Variants in TP63 observed in about 807,000 individuals in gnomAD.
TP63 encodes the protein tumor protein p63, also known as tumor protein 63.
A neutral mutation model predicts 82.8 loss-of-function variants in TP63; 17 were observed. The ratio of observed to expected loss-of-function variants is 0.21; its 90% confidence interval spans 0.14 to 0.31. The LOEUF (loss-of-function observed/expected upper bound fraction) is 0.31, where lower values mean the gene tolerates loss of function less well. TP63 is among the 10% of genes least tolerant of loss of function. The pLI, the probability that TP63 is intolerant of heterozygous loss-of-function variation, is 1.00. For missense variants in TP63, 648 were observed against 895.3 expected (o/e 0.72, Z 3.52); for synonymous variants, 330 against 321.7 (o/e 1.03, Z -0.28).
At chr3:189,783,733 T>A (rs1206681613) in intron 3 of TP63, among the ~76,000 whole-genome samples, 1 of 151,880 alleles carries the variant, frequency 6.6e-6, no homozygotes. Flanking sequence ...GAAACACATG[T>A]AATATCACTA....
chr3:189,726,336 A>AATATTCATT (rs1275326951), intron 1 of TP63, among the ~76,000 whole-genome samples: 4 of 152,168 alleles, frequency 2.6e-5, no homozygotes, highest in African/African-American at 2.4e-5. Context: ...TATTGACAAT[A>AATATTCATT]ATATTCATTC....
chr3:189,893,329 T>C (rs1333800727), intron 13 of TP63, among the ~76,000 whole-genome samples: 1 of 152,196 alleles, frequency 6.6e-6, no homozygotes, highest in African/African-American at 2.4e-5. Context: ...TGAAGTTCTA[T>C]AGCCAGTCAG....
chr3:189,618,400 T>C, the TP63 span, among the ~76,000 whole-genome samples: 2 of 152,238 alleles, frequency 1.3e-5, no homozygotes, highest in Non-Finnish European at 2.9e-5. Flanking sequence ...AGCAGCACTC[T>C]TGTTGGCTGC....
intron 3 of TP63, among the ~76,000 whole-genome samples, chr3:189,786,972 T>C (rs1003812750): frequency 3.3e-5 from 5 of 152,088 alleles, no homozygotes. Context: ...CTTAAATCAA[T>C]GCATGATATT....
chr3:189,618,083 T>A, the TP63 span, among the ~76,000 whole-genome samples: 3 of 152,164 alleles, frequency 2.0e-5, no homozygotes, highest in East Asian at 5.8e-4. Flanking sequence ...GGATCCTTTG[T>A]TTAAAGAATT....
At chr3:189,853,119 C>T (rs1715859977) in intron 4 of TP63, among the ~76,000 whole-genome samples, 1 of 152,236 alleles carries the variant, frequency 6.6e-6, no homozygotes, top group African/African-American at 2.4e-5. Context: ...CTCATCACCT[C>T]TACTGCTGGT....
At chr3:189,700,656 T>A (rs77857433) in intron 1 of TP63, among the ~76,000 whole-genome samples, 7,935 of 152,230 alleles carry the variant, frequency 0.052, 244 homozygotes, top group African/African-American at 0.068. Flanking sequence ...TAACATATCC[T>A]TATGTCCCTT....
intron 3 of TP63, among the ~76,000 whole-genome samples, chr3:189,749,638 A>G (rs1260396540): frequency 6.6e-6 from 1 of 152,216 alleles, no homozygotes; most frequent in East Asian, 1.9e-4. Context: ...AGATTCCTCA[A>G]AAAACTAAAA....
At chr3:189,827,258 A>G (rs1711557743) in intron 4 of TP63, among the ~76,000 whole-genome samples, 1 of 152,200 alleles carries the variant, frequency 6.6e-6, no homozygotes, top group South Asian at 2.1e-4. Context: ...TCCCCTAGCC[A>G]CCACCACCTC....
intron 1 of TP63, among the ~76,000 whole-genome samples, chr3:189,724,971 G>A (rs796073878): frequency 2.2e-4 from 33 of 152,232 alleles, no homozygotes; most frequent in African/African-American, 7.2e-4. Flanking sequence ...GGATAAACCA[G>A]CAATCGATTT....
chr3:189,886,161 C>T (rs1720423581), intron 10 of TP63, among the ~76,000 whole-genome samples: 1 of 152,190 alleles, frequency 6.6e-6, no homozygotes, highest in Non-Finnish European at 1.5e-5. Flanking sequence ...CTAAACCTTG[C>T]ACTCTGCACA....
chr3:189,706,551 G>A (rs1161526344), intron 1 of TP63, among the ~76,000 whole-genome samples: 1 of 152,196 alleles, frequency 6.6e-6, no homozygotes, highest in Non-Finnish European at 1.5e-5. Context: ...ACCGTGCCCG[G>A]CCGTGAATTT....
intron 1 of TP63, among the ~76,000 whole-genome samples, chr3:189,691,847 A>G (rs1716959006): frequency 6.6e-6 from 1 of 152,212 alleles, no homozygotes; most frequent in Non-Finnish European, 1.5e-5. Context: ...TAAAAAAACT[A>G]AGTGACTAAT....
At chr3:189,821,862 A>G (rs1194988660) in intron 4 of TP63, among the ~76,000 whole-genome samples, 1 of 152,220 alleles carries the variant, frequency 6.6e-6, no homozygotes, top group Admixed American at 6.5e-5. Flanking sequence ...CTTACAGTAT[A>G]TCTTTTTTGG....
chr3:189,729,946 A>G (rs1349594497), intron 1 of TP63, among the ~76,000 whole-genome samples: 1 of 152,214 alleles, frequency 6.6e-6, no homozygotes, highest in Non-Finnish European at 1.5e-5. Flanking sequence ...GAATAGTTAT[A>G]GTAATGGCAG....
the TP63 span, among the ~76,000 whole-genome samples, chr3:189,617,406 A>G: frequency 6.6e-6 from 1 of 152,190 alleles, no homozygotes; most frequent in South Asian, 2.1e-4. Context: ...GAGAATAAAC[A>G]AAAATATATT....
In TP63 at chr3:189,894,855, C is replaced by T. The variant is rs1357403643; in HGVS notation, c.*353C>T. ...CTATATATATAAATGTATAAATATA[C>T]AGTATAGATTTTTGGGTGGGGGGCA... On this transcript the variant is annotated 3_prime_UTR_variant, in exon 14 of 14. Coordinates refer to ENST00000264731, the MANE Select transcript of TP63 (RefSeq NM_003722.5). 8.1e-6 allele frequency: 2 copies of T among 246,914 alleles called. No homozygotes were observed. The highest frequency in any genetic ancestry group is 6.1e-5 in the East Asian group (1 of 16,468). 15.3% of individuals were successfully genotyped at this position (246,914 alleles called of 1,614,324 possible). A position where few individuals can be genotyped will look rare whatever the true frequency, so the allele number is the denominator to read the frequency against.
In TP63 at chr3:189,894,241, A is replaced by G; in HGVS notation, c.1782A>G (p.Arg594=). ...GTCTGAAAATCCCTGAGCAATTTCG[A>G]CATGCGATCTGGAAGGGCATCCTGG... ...LASLKIPEQF[R]HAIWKGILDH... The change falls in exon 14 of 14, where the codon CGA becomes CGG. Residue 594 remains arginine, a synonymous_variant. Transcript: ENST00000264731. 1 of 1,613,984 alleles carries G rather than the reference A, an allele frequency of 6.2e-7. No homozygotes were observed. Among genetic ancestry groups the G allele is most frequent in the Non-Finnish European group, 8.5e-7 (1 of 1,179,966 alleles).
intron 10 of TP63, 151 bp from the exon 11 acceptor site, chr3:189,886,243 A>G: frequency 2.2e-6 from 2 of 903,644 alleles, no homozygotes; most frequent in Admixed American, 4.3e-5. Context: ...TCTCAGATGG[A>G]AACAAAATTA....
Sources: gnomAD v4.1 joint callset for allele counts (sites outside exome capture counted in the v4.1 genomes callset) on GRCh38, gnomAD v4.1.1 for gene constraint, MANE v1.5 for transcripts, NCBI Gene and HGNC (gene_info 2026-07-23, HGNC 2026-07-21) for gene names.